Variants in COL11A1 observed in about 807,000 individuals in gnomAD.
COL11A1 encodes the protein collagen alpha-1(XI) chain.
In COL11A1, 74 loss-of-function variants were observed where a neutral mutation model predicts 265.2. The observed-to-expected ratio is 0.28, with a 90% CI of 0.23 to 0.34. The LOEUF (loss-of-function observed/expected upper bound fraction) is 0.34. Among genes scored for constraint, COL11A1 ranks in the 10% least tolerant of loss-of-function variants. COL11A1 has a pLI of 1.00. For synonymous variants in COL11A1, 816 were observed against 727.6 expected, an observed-to-expected ratio of 1.12 and a Z score of -1.96; for missense variants, 2,165 against 2,263.6, an observed-to-expected ratio of 0.96 and a Z score of 0.88.
intron 4 of COL11A1, among the ~76,000 whole-genome samples, chr1:103,047,170 G>A (rs541908269): frequency 2.0e-5 from 3 of 152,146 alleles, no homozygotes; most frequent in South Asian, 2.1e-4. Flanking sequence ...CAATGGGGAC[G>A]GCATTGAATC....
rs1174736601 is a variant in COL11A1, at chr1:102,898,156, G to T, written c.4271C>A (p.Ala1424Asp). ...GPVGEQGLPG[A>D]AGQDGPPGPM... ...ACCAGGTGGTCCATCTTGGCCTGCA[G>T]CTCCAGGGAGACCTTGTTCTCCCTA... The change falls in exon 57 of 67, where the codon GCT (alanine) becomes GAT (aspartate). Residue 1424 changes from alanine to aspartate, a missense_variant. Coordinates refer to ENST00000370096, the MANE Select transcript of COL11A1 (RefSeq NM_001854.4). 6.7e-7 allele frequency: 1 copy of T among 1,489,300 alleles called. No homozygotes were observed. The highest frequency in any genetic ancestry group is 9.0e-7 in the Non-Finnish European group (1 of 1,110,698). The allele number at this position is 1,489,300 out of a possible 1,614,324, so 92.3% of individuals were successfully genotyped here.
intron 36 of COL11A1, among the ~76,000 whole-genome samples, chr1:102,972,987 T>C (rs1005098210): frequency 3.3e-5 from 5 of 152,018 alleles, no homozygotes; most frequent in Admixed American, 6.6e-5. Flanking sequence ...TGTGTGAATA[T>C]ACATCATATA....
intron 37 of COL11A1, among the ~76,000 whole-genome samples, chr1:102,968,278 A>G (rs1429172728): frequency 6.6e-6 from 1 of 152,224 alleles, no homozygotes; most frequent in Non-Finnish European, 1.5e-5. Context: ...TGCTGTTACA[A>G]TCCAACAGAA....
chr1:103,006,352 A>G, intron 15 of COL11A1, 37 bp from the exon 16 acceptor site: 1 of 1,545,696 alleles, frequency 6.5e-7, no homozygotes, highest in Non-Finnish European at 8.9e-7. Flanking sequence ...ATATTATAGA[A>G]TTCTTGATCA....
chr1:102,970,091 A>C (rs757640719), intron 37 of COL11A1, 128 bp downstream of exon 37: 1 of 597,886 alleles, frequency 1.7e-6, no homozygotes. Context: ...TAAAAGGCTT[A>C]ATGGAATTAA....
chr1:103,042,953 T>C (rs1371133677), intron 4 of COL11A1, among the ~76,000 whole-genome samples: 3 of 147,736 alleles, frequency 2.0e-5, no homozygotes, highest in Non-Finnish European at 4.5e-5. Context: ...ATACATCATA[T>C]ATATGAAATA....
rs201585594 is a variant in COL11A1, at chr1:103,018,848, G to C, written c.1320C>G (p.Val440=). 4 of 1,612,158 alleles carry C rather than the reference G, an allele frequency of 2.5e-6. No homozygotes were observed. Among genetic ancestry groups the C allele is most frequent in the Admixed American group, 1.7e-5 (1 of 59,966 alleles). ...EPAVVEPGML[V]EGPPGPAGPA... Reference sequence around the variant, plus strand: ...GTCCTGCTGGTCCTGGTGGTCCTTCGACAAGCATACCCTATAACAGGAAAA... The same window carrying C: ...GTCCTGCTGGTCCTGGTGGTCCTTCCACAAGCATACCCTATAACAGGAAAA... The change falls in exon 10 of 67, where the codon GTC becomes GTG. Residue 440 remains valine, a synonymous_variant. Transcript: ENST00000370096.
At chr1:102,937,395 AAATCTAAATGG>A (rs1382429984) in intron 44 of COL11A1, among the ~76,000 whole-genome samples, 2 of 152,194 alleles carry the variant, frequency 1.3e-5, no homozygotes, top group Non-Finnish European at 2.9e-5. Flanking sequence ...TATAATTAAG[AAATCTAAATGG>A]AATCTAAAGT....
intron 4 of COL11A1, among the ~76,000 whole-genome samples, chr1:103,041,307 C>T (rs147075609): frequency 9.2e-5 from 14 of 151,870 alleles, no homozygotes; most frequent in African/African-American, 3.1e-4. Context: ...TGAACTGACA[C>T]GTTTATTCCT....
chr1:103,042,096 G>T (rs756865318), intron 4 of COL11A1, among the ~76,000 whole-genome samples: 2 of 151,848 alleles, frequency 1.3e-5, no homozygotes, highest in Non-Finnish European at 2.9e-5. Flanking sequence ...TAACAGCCAG[G>T]TTACTTTGAG....
chr1:103,031,039 AG>A, intron 5 of COL11A1, 76 bp downstream of exon 5: 1 of 1,491,238 alleles, frequency 6.7e-7, no homozygotes, highest in Non-Finnish European at 9.3e-7. Flanking sequence ...GGAATAAATA[AG>A]TATAAGTTCA....
At chr1:102,902,699 T>C (rs1221721316) in intron 54 of COL11A1, among the ~76,000 whole-genome samples, 2 of 151,690 alleles carry the variant, frequency 1.3e-5, no homozygotes, top group African/African-American at 4.8e-5. Context: ...TATAATTTAT[T>C]TTATTATTAC....
intron 16 of COL11A1, 62 bp downstream of exon 16, chr1:103,006,200 A>AATAAATAAATAC (rs758259561): frequency 7.3e-7 from 1 of 1,377,026 alleles, no homozygotes. Flanking sequence ...TAAATAAATA[A>AATAAATAAATAC]ATAAATAAAA....
chr1:102,928,262 C>T (rs1200988727), intron 46 of COL11A1, among the ~76,000 whole-genome samples: 1 of 151,598 alleles, frequency 6.6e-6, no homozygotes, highest in East Asian at 1.9e-4. Flanking sequence ...CCCCCCACCC[C>T]ACCACAGTCC....
intron 31 of COL11A1, among the ~76,000 whole-genome samples, chr1:102,983,102 C>T (rs1384657097): frequency 6.6e-6 from 1 of 152,044 alleles, no homozygotes; most frequent in African/African-American, 2.4e-5. Flanking sequence ...GGCTTAACTA[C>T]TGAATGCATC....
chr1:103,034,931 G>A (rs1033334645), intron 4 of COL11A1, among the ~76,000 whole-genome samples: 3 of 152,072 alleles, frequency 2.0e-5, no homozygotes, highest in African/African-American at 7.2e-5. Context: ...CTCTAAGTAA[G>A]TAGTCTTTGC....
chr1:103,085,710 G>A (rs949790365), intron 1 of COL11A1, among the ~76,000 whole-genome samples: 3 of 152,178 alleles, frequency 2.0e-5, no homozygotes, highest in Admixed American at 1.3e-4. Flanking sequence ...AAATTATAAT[G>A]ATGTTTGAGA....
At position 103,050,266 on chromosome 1, in the gene COL11A1, A is replaced by C. The variant is rs1571155094; in HGVS notation, c.652-19022T>G. Among the ~76,000 whole-genome samples the C allele has an allele frequency of 2.0e-5, 3 of 152,296 alleles. No homozygotes were observed. In the East Asian group the frequency reaches 5.8e-4, roughly 29 times the overall value. On this transcript the variant is annotated intron_variant, in intron 4 of 66. Coordinates refer to ENST00000370096, the MANE Select transcript of COL11A1 (RefSeq NM_001854.4). ...TCAGAGGTAGATTTGGTCTTTTCAC[A>C]TAGTCCCATATTTCTTGGAGGCTTT... is the stretch of plus-strand genomic sequence containing the variant.
chr1:102,904,412 G>T (rs960566959), intron 54 of COL11A1, among the ~76,000 whole-genome samples: 9 of 152,132 alleles, frequency 5.9e-5, no homozygotes, highest in South Asian at 2.1e-4. Context: ...CACAGCAAAA[G>T]AAACTACCAT....
Sources: allele counts gnomAD v4.1 joint callset (sites outside exome capture counted in the v4.1 genomes callset), GRCh38; gene constraint gnomAD v4.1.1; transcripts MANE v1.5; gene names NCBI Gene and HGNC (gene_info 2026-07-23, HGNC 2026-07-21).